The following SIL1 variants were observed in gnomAD, a reference collection of about 807,000 sequenced individuals.
SIL1 encodes SIL1 nucleotide exchange factor, also known as nucleotide exchange factor SIL1.
A neutral mutation model predicts 49.1 loss-of-function variants in SIL1; 40 were observed. The observed-to-expected ratio is 0.81, with a 90% CI of 0.63 to 1.06. The LOEUF is 1.06. SIL1 is among the 50% of genes least tolerant of loss of function. The pLI, the probability that SIL1 is intolerant of heterozygous loss-of-function variation, is 0.00. For missense variants in SIL1, 500 were observed against 572.6 expected (o/e 0.87, Z 1.29); for synonymous variants, 253 against 250.8 (o/e 1.01, Z -0.08).
intron 3 of SIL1, among the ~76,000 whole-genome samples, chr5:139,051,357 T>C (rs1340530479): frequency 6.6e-6 from 1 of 152,236 alleles, no homozygotes; most frequent in African/African-American, 2.4e-5. Flanking sequence ...CTTGAGCTAA[T>C]AAAAGCTTTG....
intron 9 of SIL1, 21 bp downstream of exon 9, chr5:138,951,150 T>G: frequency 1.2e-6 from 2 of 1,609,332 alleles, no homozygotes; most frequent in African/African-American, 2.7e-5. Context: ...AAGAGGAGAC[T>G]GGGTGGGCCT....
intron 1 of SIL1, among the ~76,000 whole-genome samples, chr5:139,148,092 A>G (rs113250594): frequency 0.055 from 8,222 of 150,510 alleles, 297 homozygotes; most frequent in Non-Finnish European, 0.084. Context: ...CCAGACTACA[A>G]TTTATTTTTT....
intron 7 of SIL1, among the ~76,000 whole-genome samples, chr5:138,971,424 G>A (rs190842259): frequency 6.6e-6 from 1 of 152,210 alleles, no homozygotes; most frequent in African/African-American, 2.4e-5. Flanking sequence ...ACCATGCACA[G>A]GACTTTTTCT....
chr5:139,048,358 T>A (rs1270263920), intron 4 of SIL1, among the ~76,000 whole-genome samples: 3 of 150,052 alleles, frequency 2.0e-5, no homozygotes, highest in Non-Finnish European at 4.4e-5. Flanking sequence ...TTTTGCTTTT[T>A]TTTGTTGTTG....
chr5:139,181,985 T>G (rs1404929280), intron 1 of SIL1, among the ~76,000 whole-genome samples: 1 of 152,152 alleles, frequency 6.6e-6, no homozygotes, highest in Non-Finnish European at 1.5e-5. Context: ...GTTTTTGTTT[T>G]TTTGGTTTTT....
In SIL1 at chr5:139,082,520, C is replaced by A. The variant is rs545524579; in HGVS notation, c.245-31474G>T. Among the ~76,000 whole-genome samples, 4 of 152,304 alleles carry A rather than the reference C, an allele frequency of 2.6e-5. No homozygotes were observed. In the East Asian group the frequency reaches 7.7e-4, roughly 29 times the overall value. ...CAGAATCTATGTTCCAAGATAGGGC[C>A]TGGAAGCCCCCGCAAAGCAGACATT... On this transcript the variant is annotated intron_variant, in intron 3 of 9. Coordinates refer to ENST00000394817, the MANE Select transcript of SIL1 (RefSeq NM_022464.5).
At chr5:139,163,902 TGAG>T (rs975130956) in intron 1 of SIL1, among the ~76,000 whole-genome samples, 3 of 152,020 alleles carry the variant, frequency 2.0e-5, no homozygotes, top group African/African-American at 7.2e-5. Flanking sequence ...GCAGATCACT[TGAG>T]GCCAAGAGTT....
chr5:138,962,274 G>A (rs186475100), intron 7 of SIL1, among the ~76,000 whole-genome samples: 1 of 151,822 alleles, frequency 6.6e-6, no homozygotes, highest in Admixed American at 6.6e-5. Flanking sequence ...TTTTTTGGTG[G>A]GCTAAAAGCC....
At chr5:138,982,919 G>A (rs1003319832) in intron 7 of SIL1, among the ~76,000 whole-genome samples, 2 of 152,170 alleles carry the variant, frequency 1.3e-5, no homozygotes, top group Non-Finnish European at 2.9e-5. Flanking sequence ...CCTACCAGTT[G>A]GGCGTGGTGG....
chr5:139,191,221 CAAAAAA>C (rs773259762), intron 1 of SIL1, among the ~76,000 whole-genome samples: 12 of 67,908 alleles, frequency 1.8e-4, no homozygotes, highest in African/African-American at 5.5e-4. Flanking sequence ...GACTCTGTCT[CAAAAAA>C]AAAAAAAAAA....
rs543210290 is a variant in SIL1 at position 139,108,335 on chromosome 5, C to A, written c.244+12700G>T. 4.6e-5 allele frequency: 7 copies of A among 152,290 alleles called. No individual in the cohort carries two copies. In the East Asian group the frequency reaches 1.2e-3, roughly 25 times the overall value. The allele number at this position is 152,290 out of a possible 1,614,324, so 9.4% of individuals were successfully genotyped here. ...AATTCAAGAGAGTTCTATTCCGAAG[C>A]CTTTTCAAGCCTATGGAAACACGGA... On this transcript the variant is annotated intron_variant, in intron 3 of 9. Coordinates refer to ENST00000394817, the MANE Select transcript of SIL1 (RefSeq NM_022464.5).
intron 7 of SIL1, among the ~76,000 whole-genome samples, chr5:138,991,410 G>T (rs1167648122): frequency 6.6e-6 from 1 of 152,370 alleles, no homozygotes; most frequent in East Asian, 1.9e-4. Context: ...GAAACAAAGG[G>T]ATTATGGATT....
intron 3 of SIL1, among the ~76,000 whole-genome samples, chr5:139,100,769 A>G (rs1770569800): frequency 1.3e-5 from 2 of 152,114 alleles, no homozygotes; most frequent in African/African-American, 2.4e-5. Flanking sequence ...GAGGATTTTG[A>G]CCTGAAAAAT....
intron 1 of SIL1, among the ~76,000 whole-genome samples, chr5:139,154,036 T>A (rs1341649859): frequency 6.6e-6 from 1 of 152,250 alleles, no homozygotes. Flanking sequence ...TCTTCAGTTC[T>A]TTTCTCAGGC....
chr5:139,081,891 CA>C (rs1183823273), intron 3 of SIL1, among the ~76,000 whole-genome samples: 2 of 148,642 alleles, frequency 1.3e-5, no homozygotes, highest in East Asian at 3.9e-4. Flanking sequence ...AAAAAAAAAA[CA>C]AAAAAAACAA....
chr5:139,105,151 T>C (rs1340466334), intron 3 of SIL1, among the ~76,000 whole-genome samples: 1 of 152,130 alleles, frequency 6.6e-6, no homozygotes, highest in Non-Finnish European at 1.5e-5. Context: ...AATCTCCTTT[T>C]TCTAAGCAGC....
chr5:139,147,424 G>C (rs1213780996), intron 1 of SIL1, among the ~76,000 whole-genome samples: 1 of 152,104 alleles, frequency 6.6e-6, no homozygotes, highest in East Asian at 1.9e-4. Context: ...TCCTATGCTG[G>C]GGTTGAGGGG....
At chr5:139,052,878 G>T (rs1429888164) in intron 3 of SIL1, among the ~76,000 whole-genome samples, 1 of 152,180 alleles carries the variant, frequency 6.6e-6, no homozygotes, top group African/African-American at 2.4e-5. Context: ...CTAGGCCACA[G>T]AACTAACTGG....
At chr5:139,153,236 A>G (rs947258346) in intron 1 of SIL1, among the ~76,000 whole-genome samples, 5 of 152,180 alleles carry the variant, frequency 3.3e-5, no homozygotes, top group Admixed American at 2.0e-4. Context: ...TCTTTATCTG[A>G]CAAATTCCTA....
Sources: gnomAD v4.1 joint callset for allele counts (sites outside exome capture counted in the v4.1 genomes callset) on GRCh38, gnomAD v4.1.1 for gene constraint, MANE v1.5 for transcripts, NCBI Gene and HGNC (gene_info 2026-07-23, HGNC 2026-07-21) for gene names.